Variants in ARMC2 observed in about 807,000 individuals in gnomAD.
ARMC2 encodes the protein armadillo repeat-containing protein 2.
A neutral mutation model predicts 90.3 loss-of-function variants in ARMC2; 67 were observed. The observed-to-expected ratio is 0.74, with a 90% CI of 0.61 to 0.91. The LOEUF is 0.91. Among genes scored for constraint, ARMC2 ranks in the 40% least tolerant of loss-of-function variants. The pLI is 0.00. For missense variants in ARMC2, 920 were observed against 1,030.9 expected (o/e 0.89, Z 1.47); for synonymous variants, 393 against 393.0 (o/e 1.00, Z 0.00).
At chr6:108,951,648 A>C (rs1777185595) in intron 12 of ARMC2, among the ~76,000 whole-genome samples, 1 of 152,188 alleles carries the variant, frequency 6.6e-6, no homozygotes, top group Non-Finnish European at 1.5e-5. Flanking sequence ...GCCTAGGTAA[A>C]TCCAAAAGTT....
chr6:109,011,452 G>T, the ARMC2 span, among the ~76,000 whole-genome samples: 1 of 152,000 alleles, frequency 6.6e-6, no homozygotes, highest in Non-Finnish European at 1.5e-5. Context: ...TAAATGTCAA[G>T]ATTCCTTTAT....
intron 5 of ARMC2, among the ~76,000 whole-genome samples, chr6:108,889,423 G>A (rs535413935): frequency 8.6e-5 from 13 of 151,924 alleles, no homozygotes; most frequent in Admixed American, 2.6e-4. Context: ...TGGGATTACA[G>A]GTGTGACCCA....
intron 4 of ARMC2, among the ~76,000 whole-genome samples, chr6:108,874,835 T>TA (rs879356888): frequency 9.9e-4 from 140 of 141,262 alleles, no homozygotes; most frequent in East Asian, 2.4e-3. Context: ...TTTCTCATCT[T>TA]AAAAAAAAAA....
the ARMC2 span, among the ~76,000 whole-genome samples, chr6:109,035,838 C>T: frequency 6.6e-6 from 1 of 151,986 alleles, no homozygotes; most frequent in South Asian, 2.1e-4. Context: ...AAACTCCTGG[C>T]CTCAAGTGAT....
chr6:109,006,399 T>C, the ARMC2 span, among the ~76,000 whole-genome samples: 2 of 152,118 alleles, frequency 1.3e-5, no homozygotes, highest in South Asian at 4.1e-4. Context: ...GCTGCACCCA[T>C]TAACTTGTCA....
At chr6:109,034,586 T>G in the ARMC2 span, among the ~76,000 whole-genome samples, 1 of 152,232 alleles carries the variant, frequency 6.6e-6, no homozygotes, top group Non-Finnish European at 1.5e-5. Context: ...CTGGGCACAT[T>G]GCCACTGAGA....
intron 10 of ARMC2, among the ~76,000 whole-genome samples, chr6:108,923,893 T>C (rs1774852312): frequency 6.6e-6 from 1 of 152,192 alleles, no homozygotes; most frequent in Admixed American, 6.5e-5. Context: ...TTGTCGCTCC[T>C]GTCCCTTCTT....
chr6:108,970,315 TAAAA>T (rs1190409942), intron 17 of ARMC2, among the ~76,000 whole-genome samples: 1 of 152,000 alleles, frequency 6.6e-6, no homozygotes, highest in Non-Finnish European at 1.5e-5. Context: ...CATTAGATTT[TAAAA>T]AGCCACTCAC....
intron 2 of ARMC2, 43 bp from the exon 3 acceptor site, chr6:108,858,156 T>G (rs755879511): frequency 6.7e-7 from 1 of 1,495,152 alleles, no homozygotes; most frequent in South Asian, 1.2e-5. Context: ...AATAAAGAAA[T>G]AATTCTTCAC....
chr6:108,988,480 A>C, the ARMC2 span: 44 of 1,402,730 alleles, frequency 3.1e-5, no homozygotes, highest in Non-Finnish European at 4.2e-5. Context: ...CCATTAGGTT[A>C]GGTGAAGGAG....
intron 11 of ARMC2, among the ~76,000 whole-genome samples, chr6:108,932,988 G>A (rs1452764018): frequency 6.6e-6 from 1 of 152,076 alleles, no homozygotes; most frequent in African/African-American, 2.4e-5. Flanking sequence ...GTTTGAATTA[G>A]GCAATGTGAT....
the ARMC2 span, among the ~76,000 whole-genome samples, chr6:108,984,802 C>T: frequency 1.3e-5 from 2 of 152,180 alleles, no homozygotes; most frequent in Non-Finnish European, 2.9e-5. Context: ...ATCACACCAT[C>T]CTCTGCTGGG....
At position 108,881,700 on chromosome 6, in the gene ARMC2, T is replaced by TTG. The variant is rs1344318801; in HGVS notation, c.671+5354_671+5355dup. ...CCTGGTTACATGTGAGCCAGCTAGT[T>TTG]TGTGTATGTGTGTGTTTTGGGGGAG... On this transcript the variant is annotated intron_variant, in intron 5 of 17. Transcript: ENST00000392644. 2.2e-3 allele frequency among the ~76,000 whole-genome samples: 334 copies of TTG among 151,986 alleles called. 2 individuals carry two copies. Among genetic ancestry groups the TTG allele is most frequent in the African/African-American group, 6.6e-3 (273 of 41,450 alleles).
intron 12 of ARMC2, among the ~76,000 whole-genome samples, chr6:108,938,726 AC>A (rs1776181035): frequency 6.7e-6 from 1 of 149,250 alleles, no homozygotes; most frequent in South Asian, 2.1e-4. Context: ...CTTCTGTTTA[AC>A]AGTTTGATTT....
At chr6:108,961,882 G>A (rs960742680) in intron 14 of ARMC2, 132 bp from the exon 15 acceptor site, 1 of 978,464 alleles carries the variant, frequency 1.0e-6, no homozygotes, top group African/African-American at 1.6e-5. Flanking sequence ...CTTAGTTCTT[G>A]CTAAAGTCCC....
At chr6:108,885,120 CTAAGT>C (rs1234831199) in intron 5 of ARMC2, among the ~76,000 whole-genome samples, 1 of 152,012 alleles carries the variant, frequency 6.6e-6, no homozygotes, top group Non-Finnish European at 1.5e-5. Flanking sequence ...TTAAGGTTAA[CTAAGT>C]TAAGCTAACA....
intron 17 of ARMC2, among the ~76,000 whole-genome samples, chr6:108,969,723 C>G (rs1778625419): frequency 6.6e-6 from 1 of 152,160 alleles, no homozygotes; most frequent in African/African-American, 2.4e-5. Context: ...CAGTTTCTAA[C>G]TTATGATGAT....
chr6:108,995,674 G>T, the ARMC2 span, among the ~76,000 whole-genome samples: 672 of 152,236 alleles, frequency 4.4e-3, 7 homozygotes, highest in African/African-American at 0.015. Context: ...CCAGCATTTT[G>T]GGAGACCAAG....
At position 108,973,572 on chromosome 6, in the gene ARMC2, G is replaced by A. The variant is rs1018111692; in HGVS notation, c.*58G>A. On this transcript the variant is annotated 3_prime_UTR_variant, in exon 18 of 18. Transcript: ENST00000392644. ...CACGTCTCCCTCATTCTTAAGAACT[G>A]GTAACAAACGTGAACATTTTTTTCA... 3 of 1,438,262 alleles carry A rather than the reference G, an allele frequency of 2.1e-6. No homozygotes were observed. The highest frequency in any genetic ancestry group is 3.1e-5 in the South Asian group (2 of 63,728). The allele number at this position is 1,438,262 out of a possible 1,614,324, so 89.1% of individuals were successfully genotyped here. A position where few individuals can be genotyped will look rare whatever the true frequency, so the allele number is the denominator to read the frequency against.
Sources: allele counts gnomAD v4.1 joint callset (sites outside exome capture counted in the v4.1 genomes callset), GRCh38; gene constraint gnomAD v4.1.1; transcripts MANE v1.5; gene names NCBI Gene and HGNC (gene_info 2026-07-23, HGNC 2026-07-21).